Variants in ARG1 observed in about 807,000 individuals in gnomAD.
The protein encoded by ARG1 is arginase 1.
ARG1 carries 20 observed loss-of-function variants against 33.0 expected under a neutral mutation model. The ratio of observed to expected loss-of-function variants is 0.61; its 90% CI spans 0.43 to 0.88. The LOEUF is 0.88. Ranked by LOEUF, ARG1 falls within the 40% of genes least tolerant of loss-of-function variation. The pLI is 0.00. For synonymous variants in ARG1, 146 were observed against 140.6 expected (o/e 1.04, Z -0.27); for missense variants, 374 against 384.7 (o/e 0.97, Z 0.23).
intron 3 of ARG1, 85 bp from the exon 4 acceptor site, chr6:131,581,134 A>T: frequency 7.1e-7 from 1 of 1,408,474 alleles, no homozygotes; most frequent in African/African-American, 1.4e-5. Flanking sequence ...TCAAAGGAAA[A>T]CCAAGTGGGA....
intron 1 of ARG1, among the ~76,000 whole-genome samples, chr6:131,575,879 T>C (rs1773588592): frequency 6.7e-6 from 1 of 150,044 alleles, no homozygotes; most frequent in Non-Finnish European, 1.5e-5. Context: ...TTGAAATTAC[T>C]GGGTTGGTCT....
At chr6:131,575,765 A>G (rs1356014700) in intron 1 of ARG1, among the ~76,000 whole-genome samples, 1 of 152,230 alleles carries the variant, frequency 6.6e-6, no homozygotes, top group Non-Finnish European at 1.5e-5. Context: ...CTAATTGTTC[A>G]GGGGACTGAG....
intron 5 of ARG1, 43 bp from the exon 6 acceptor site, chr6:131,583,017 G>A (rs1045385690): frequency 1.4e-6 from 2 of 1,424,964 alleles, no homozygotes; most frequent in Non-Finnish European, 2.0e-6. Flanking sequence ...GGCGGGCACA[G>A]TCAGCCTTAT....
intron 2 of ARG1, 129 bp from the exon 3 acceptor site, chr6:131,578,982 A>G: frequency 9.3e-7 from 1 of 1,070,210 alleles, no homozygotes; most frequent in East Asian, 2.6e-5. Flanking sequence ...CAAGATTTAC[A>G]GACCTTTCAG....
At chr6:131,581,877 A>G (rs1338957718) in intron 4 of ARG1, among the ~76,000 whole-genome samples, 1 of 152,228 alleles carries the variant, frequency 6.6e-6, no homozygotes, top group Non-Finnish European at 1.5e-5. Context: ...AGAAGCACCT[A>G]TCTAAATCAT....
At chr6:131,579,829 C>CGTGT (rs367611464) in intron 3 of ARG1, among the ~76,000 whole-genome samples, 6 of 149,426 alleles carry the variant, frequency 4.0e-5, no homozygotes, top group Non-Finnish European at 8.9e-5. Flanking sequence ...CTTTGTTTAA[C>CGTGT]GTGTGTGTGT....
intron 3 of ARG1, among the ~76,000 whole-genome samples, chr6:131,580,062 A>C (rs902030371): frequency 6.6e-6 from 1 of 152,204 alleles, no homozygotes; most frequent in South Asian, 2.1e-4. Context: ...CATTACAAAT[A>C]ATGTGGCAAA....
At chr6:131,575,170 G>C (rs914626608) in intron 1 of ARG1, among the ~76,000 whole-genome samples, 34 of 152,138 alleles carry the variant, frequency 2.2e-4, no homozygotes, top group African/African-American at 8.2e-4. Context: ...AGCAAATATA[G>C]TGTCAACTAA....
At chr6:131,576,447 T>C (rs975648163) in intron 1 of ARG1, among the ~76,000 whole-genome samples, 3 of 152,202 alleles carry the variant, frequency 2.0e-5, no homozygotes, top group African/African-American at 7.2e-5. Flanking sequence ...CTGAAAACCA[T>C]ATAACCTTTG....
At chr6:131,576,550 A>T in intron 1 of ARG1, 113 bp from the exon 2 acceptor site, 2 of 1,004,176 alleles carry the variant, frequency 2.0e-6, no homozygotes, top group East Asian at 4.9e-5. Flanking sequence ...GCTCTGTAGG[A>T]GCTCAAAAAA....
Position 131,584,042 on chromosome 6 carries a change from C to A in ARG1, c.*134C>A. The A allele has an allele frequency of 3.1e-6, 3 of 971,604 alleles. No individual in the cohort carries two copies. Among genetic ancestry groups the A allele is most frequent in the East Asian group, 2.7e-5 (1 of 37,386 alleles). The allele number at this position is 971,604 out of a possible 1,614,324, so 60.2% of individuals were successfully genotyped here. On this transcript the variant is annotated 3_prime_UTR_variant, in exon 8 of 8. Transcript: ENST00000368087. The stretch of plus-strand genomic sequence containing the variant: ...GTTTTTCCAATTAGTATAAACTCTA[C>A]AAATTCCCTCTTGGTGTAAAATTCA...
Position 131,573,301 on chromosome 6 carries a change from A to C in ARG1, c.19A>C (p.Thr7Pro), listed in dbSNP as rs989204710. Reference protein sequence around the residue: MSAKSRTIGIIGAPFSK... With the variant: MSAKSRPIGIIGAPFSK... ...TCAGAGCATGAGCGCCAAGTCCAGA[A>C]CCATAGGGATTATTGGAGCTCCTTT... Residue 7 changes from threonine (T) to proline (P), a missense_variant, in exon 1 of 8, where the codon ACC (threonine) becomes CCC (proline). Thr to Pro is a conservative substitution (Grantham distance 38). Transcript: ENST00000368087. 2.5e-6 allele frequency: 4 copies of C among 1,614,102 alleles called. No individual in the cohort carries two copies. Among genetic ancestry groups the C allele is most frequent in the Admixed American group, 3.3e-5 (2 of 60,012 alleles).
intron 1 of ARG1, among the ~76,000 whole-genome samples, chr6:131,575,503 C>T (rs557816264): frequency 2.0e-5 from 3 of 152,216 alleles, no homozygotes; most frequent in African/African-American, 4.8e-5. Context: ...GAGGATAGGG[C>T]GGGTCCCTTG....
chr6:131,583,642 C>T (rs1194797568), intron 7 of ARG1, 100 bp from the exon 8 acceptor site: 29 of 1,520,074 alleles, frequency 1.9e-5, no homozygotes, highest in Non-Finnish European at 2.5e-5. Flanking sequence ...CCATCGGTTA[C>T]TACCTTTTTC....
intron 2 of ARG1, among the ~76,000 whole-genome samples, chr6:131,578,055 A>C (rs906592343): frequency 6.6e-6 from 1 of 152,170 alleles, no homozygotes; most frequent in African/African-American, 2.4e-5. Flanking sequence ...AAAAGAAAGC[A>C]GATCAGCAGT....
At chr6:131,579,820 T>C (rs371666783) in intron 3 of ARG1, among the ~76,000 whole-genome samples, 10 of 151,912 alleles carry the variant, frequency 6.6e-5, no homozygotes, top group African/African-American at 2.4e-4. Flanking sequence ...ACATGATGAC[T>C]TTGTTTAACG....
At position 131,579,126 on chromosome 6, in the gene ARG1, A is replaced by G; in HGVS notation, c.146A>G (p.Asp49Gly). The G allele has an allele frequency of 6.2e-7, 1 of 1,614,112 alleles. No homozygotes were observed. The highest frequency in any genetic ancestry group is 8.5e-7 in the Non-Finnish European group (1 of 1,179,992). Residue 49 changes from aspartate to glycine, a missense_variant, in exon 3 of 8, where the codon GAT becomes GGT. By Grantham distance (94) the Asp-to-Gly change is moderately conservative. Coordinates refer to ENST00000368087, the MANE Select transcript of ARG1 (RefSeq NM_000045.4). ...KLKEQECDVK[D>G]YGDLPFADIP... ...TTAATTTTAGAGTGTGATGTGAAGG[A>G]TTATGGGGACCTGCCCTTTGCTGAC...
At chr6:131,578,896 G>T (rs1460801366) in intron 2 of ARG1, among the ~76,000 whole-genome samples, 2 of 152,096 alleles carry the variant, frequency 1.3e-5, no homozygotes, top group African/African-American at 4.8e-5. Flanking sequence ...TTCACTGAGA[G>T]CCCAGTATAC....
chr6:131,577,056 G>A (rs62423373), intron 2 of ARG1, among the ~76,000 whole-genome samples: 16,322 of 152,144 alleles, frequency 0.11, 954 homozygotes, highest in Middle Eastern at 0.19. Context: ...GGTGCAGCAG[G>A]AAGTATGCTA....
Sources: allele counts gnomAD v4.1 joint callset (sites outside exome capture counted in the v4.1 genomes callset), GRCh38; gene constraint gnomAD v4.1.1; transcripts MANE v1.5; gene names NCBI Gene and HGNC (gene_info 2026-07-23, HGNC 2026-07-21).